Variants in RABIF observed in about 807,000 individuals in gnomAD.
RABIF encodes guanine nucleotide exchange factor MSS4.
RABIF carries 13 observed loss-of-function variants against 12.3 expected under a neutral mutation model. The observed-to-expected ratio is 1.06, with a 90% CI of 0.69 to 1.68. The LOEUF (loss-of-function observed/expected upper bound fraction) is 1.68. Ranked by LOEUF, RABIF falls within the 40% of genes most tolerant of loss-of-function variation. The pLI, the probability that RABIF is intolerant of heterozygous loss-of-function variation, is 0.00. For missense variants in RABIF, 153 were observed against 158.0 expected, an observed-to-expected ratio of 0.97 and a Z score of 0.17; for synonymous variants, 70 against 63.3, an observed-to-expected ratio of 1.11 and a Z score of -0.50.
chr1:202,881,017 G>A lies in RABIF; in HGVS notation c.333C>T (p.Asn111=). The change falls in exon 2 of 2, where the codon AAC becomes AAT. Residue 111 remains asparagine, a synonymous_variant. Coordinates refer to ENST00000367262, the MANE Select transcript of RABIF (RefSeq NM_002871.5). The part of the protein sequence containing the change: ...PIGWHCLDDK[N]SFYVALERVS... The stretch of plus-strand genomic sequence containing the variant: ...CTCGTTCCAAGGCCACATAGAAACT[G>A]TTCTTGTCATCTAGGCAATGCCAGC... 6.2e-7 allele frequency: 1 copy of A among 1,614,092 alleles called. No homozygotes were observed. Among genetic ancestry groups the A allele is most frequent in the Non-Finnish European group, 8.5e-7 (1 of 1,179,974 alleles).
chr1:202,884,539 G>T (rs984957784), intron 1 of RABIF, among the ~76,000 whole-genome samples: 1 of 152,150 alleles, frequency 6.6e-6, no homozygotes, highest in Non-Finnish European at 1.5e-5. Context: ...TGGGACACTT[G>T]TGCGGGGAGC....
intron 1 of RABIF, 45 bp downstream of exon 1, chr1:202,888,928 C>CG: frequency 2.0e-6 from 3 of 1,477,882 alleles, no homozygotes; most frequent in African/African-American, 1.4e-5. Context: ...GGCGGCTCGT[C>CG]GGGGGAGACT....
intron 1 of RABIF, among the ~76,000 whole-genome samples, chr1:202,884,412 G>A (rs1335642248): frequency 6.6e-6 from 1 of 152,124 alleles, no homozygotes; most frequent in African/African-American, 2.4e-5. Flanking sequence ...TCCACCAAGA[G>A]TGGAGTCCAT....
intron 1 of RABIF, among the ~76,000 whole-genome samples, chr1:202,887,255 G>C (rs961497784): frequency 9.2e-5 from 14 of 151,878 alleles, no homozygotes; most frequent in Admixed American, 6.6e-4. Flanking sequence ...TTACAAGCTT[G>C]TCCAACCCGC....
At position 202,880,723 on chromosome 1, in the gene RABIF, G is replaced by A; in HGVS notation, c.*255C>T. 3 of 1,231,430 alleles carry A rather than the reference G, an allele frequency of 2.4e-6. No individual in the cohort carries two copies. The highest frequency in any genetic ancestry group is 3.1e-6 in the Non-Finnish European group (3 of 978,948). The allele number at this position is 1,231,430 out of a possible 1,614,324, so 76.3% of individuals were successfully genotyped here. A position where few individuals can be genotyped will look rare whatever the true frequency, so the allele number is the denominator to read the frequency against. On this transcript the variant is annotated 3_prime_UTR_variant, in exon 2 of 2. Transcript: ENST00000367262. ...CAGGGAAGAGATGAGATTTTTGGAG[G>A]TAAGCACAGTGTCCCAAAACTGGGG... is the stretch of plus-strand genomic sequence containing the variant.
At chr1:202,884,198 C>G (rs984884187) in intron 1 of RABIF, among the ~76,000 whole-genome samples, 1 of 152,182 alleles carries the variant, frequency 6.6e-6, no homozygotes, top group Non-Finnish European at 1.5e-5. Context: ...TGATATACTA[C>G]TAACAGCACC....
chr1:202,878,672 AG>A lies in RABIF; in HGVS notation c.*2305del, dbSNP rs1474175998. 2.6e-5 allele frequency among the ~76,000 whole-genome samples: 4 copies of A among 152,242 alleles called. No individual in the cohort carries two copies. On this transcript the variant is annotated 3_prime_UTR_variant, in exon 2 of 2. Transcript: ENST00000367262. Reference sequence around the variant, plus strand: ...AACAGACAATTATGTGGAAACAATCAGGCTTTCACAAAATCAACTGCTCTCC... The same window carrying A: ...AACAGACAATTATGTGGAAACAATCAGCTTTCACAAAATCAACTGCTCTCC...
rs1659476975 is a variant in RABIF at position 202,880,794 on chromosome 1, G to A, written c.*184C>T. The stretch of plus-strand genomic sequence containing the variant: ...GTGATACAAAGTGAACTAAGCAGGA[G>A]GCATGTACTTGAGGCTTTAGGAAGC... On this transcript the variant is annotated 3_prime_UTR_variant, in exon 2 of 2. Coordinates refer to ENST00000367262, the MANE Select transcript of RABIF (RefSeq NM_002871.5). The A allele has an allele frequency of 7.2e-7, 1 of 1,393,350 alleles. No individual in the cohort carries two copies. Among genetic ancestry groups the A allele is most frequent in the South Asian group, 1.7e-5 (1 of 57,856 alleles). The allele number at this position is 1,393,350 out of a possible 1,614,324, so 86.3% of individuals were successfully genotyped here. A position where few individuals can be genotyped will look rare whatever the true frequency, so the allele number is the denominator to read the frequency against.
intron 1 of RABIF, 64 bp downstream of exon 1, chr1:202,888,909 T>G (rs1659607225): frequency 6.9e-7 from 1 of 1,456,180 alleles, no homozygotes. Context: ...GGGTTCAGAT[T>G]CTGACTGCGG....
chr1:202,887,768 T>A (rs1659585878), intron 1 of RABIF, among the ~76,000 whole-genome samples: 1 of 152,124 alleles, frequency 6.6e-6, no homozygotes, highest in African/African-American at 2.4e-5. Context: ...CCTCCCAAAG[T>A]GCTGGGATTA....
In RABIF at chr1:202,884,698, C is replaced by T. The variant is rs138752107; in HGVS notation, c.127-3475G>A. ...TCCCAGCCCACAGGCAGACGCGTGA[C>T]GGAATGACCTTTCTGATTGCCATCA... On this transcript the variant is annotated intron_variant, in intron 1 of 1. Coordinates refer to ENST00000367262, the MANE Select transcript of RABIF (RefSeq NM_002871.5). Among the ~76,000 whole-genome samples, 661 of 152,172 alleles carry T rather than the reference C, an allele frequency of 4.3e-3. 3 individuals carry two copies. The highest frequency in any genetic ancestry group is 0.015 in the African/African-American group (636 of 41,514).
chr1:202,878,428 C>T lies in RABIF; in HGVS notation c.*2550G>A, dbSNP rs1033683717. ...GTTTAGCAATTCTTCAAAGTCAAGT[C>T]GGCTCTCTTGGTGTGTTCACACAGA... On this transcript the variant is annotated 3_prime_UTR_variant, in exon 2 of 2. Transcript: ENST00000367262. Among the ~76,000 whole-genome samples the T allele has an allele frequency of 3.9e-5, 6 of 152,172 alleles. No individual in the cohort carries two copies. Among genetic ancestry groups the T allele is most frequent in the Admixed American group, 2.6e-4 (4 of 15,274 alleles).
chr1:202,888,336 G>T (rs576250902), intron 1 of RABIF, among the ~76,000 whole-genome samples: 1 of 152,142 alleles, frequency 6.6e-6, no homozygotes, highest in Non-Finnish European at 1.5e-5. Flanking sequence ...CTTCCAGGAC[G>T]TCAGGGATCT....
chr1:202,880,913 A>C lies in RABIF; in HGVS notation c.*65T>G. On this transcript the variant is annotated 3_prime_UTR_variant, in exon 2 of 2. Transcript: ENST00000367262. ...GGCAGCGGAACAGTTATACCACATT[A>C]AAGGCCAGTTCTTGTGGGGAGTAGG... The C allele has an allele frequency of 6.3e-7, 1 of 1,586,438 alleles. No homozygotes were observed. Among genetic ancestry groups the C allele is most frequent in the Admixed American group, 1.7e-5 (1 of 57,624 alleles).
intron 1 of RABIF, among the ~76,000 whole-genome samples, chr1:202,887,024 G>GTTTTTTTTT (rs61356068): frequency 9.9e-5 from 9 of 90,732 alleles, no homozygotes; most frequent in African/African-American, 2.4e-4. Flanking sequence ...TGTGGGCTAT[G>GTTTTTTTTT]TTTTGTTTTT....
rs1659468142 is a variant in RABIF, at chr1:202,880,317, A to C, written c.*661T>G. 6.6e-6 allele frequency: 1 copy of C among 152,622 alleles called. No homozygotes were observed. Among genetic ancestry groups the C allele is most frequent in the African/African-American group, 2.4e-5 (1 of 41,446 alleles). 9.5% of individuals were successfully genotyped at this position (152,622 alleles called of 1,614,324 possible). On this transcript the variant is annotated 3_prime_UTR_variant, in exon 2 of 2. Coordinates refer to ENST00000367262, the MANE Select transcript of RABIF (RefSeq NM_002871.5). ...TGTAGCAGTGAGGAGCTAATATAAA[A>C]AGAAACTACAAGATTTCAAGGGAAG... is the stretch of plus-strand genomic sequence containing the variant.
intron 1 of RABIF, among the ~76,000 whole-genome samples, chr1:202,884,905 C>T (rs999833143): frequency 4.6e-5 from 7 of 151,618 alleles, no homozygotes; most frequent in African/African-American, 1.5e-4. Flanking sequence ...GCCAACATGG[C>T]GAAACCCCCA....
chr1:202,883,982 G>C (rs796072456), intron 1 of RABIF, among the ~76,000 whole-genome samples: 6 of 152,280 alleles, frequency 3.9e-5, no homozygotes, highest in African/African-American at 1.4e-4. Flanking sequence ...ACAACATCCG[G>C]AATGTAATGA....
chr1:202,888,937 C>A, intron 1 of RABIF, 36 bp downstream of exon 1: 4 of 1,506,070 alleles, frequency 2.7e-6, no homozygotes, highest in Non-Finnish European at 3.6e-6. Context: ...TCGGGGGAGA[C>A]TGTGGGTGTA....
Sources: gnomAD v4.1 joint callset for allele counts (sites outside exome capture counted in the v4.1 genomes callset) on GRCh38, gnomAD v4.1.1 for gene constraint, MANE v1.5 for transcripts, NCBI Gene and HGNC (gene_info 2026-07-23, HGNC 2026-07-21) for gene names.